Variants in DENND1A observed in about 807,000 individuals in gnomAD.
DENND1A encodes DENN domain-containing protein 1A.
In DENND1A, 51 loss-of-function variants were observed where a neutral mutation model predicts 113.7. The ratio of observed to expected loss-of-function variants is 0.45; its 90% CI spans 0.36 to 0.57. DENND1A has a LOEUF of 0.57. DENND1A is among the 20% of genes least tolerant of loss of function. The pLI is 0.00. For missense variants in DENND1A, 1,258 were observed against 1,395.9 expected (o/e 0.90, Z 1.57); for synonymous variants, 565 against 570.8 (o/e 0.99, Z 0.14).
At chr9:123,856,723 T>C (rs1218555039) in intron 2 of DENND1A, among the ~76,000 whole-genome samples, 1 of 150,314 alleles carries the variant, frequency 6.7e-6, no homozygotes, top group Non-Finnish European at 1.5e-5. Context: ...AAGACCAAGG[T>C]GGATGAGGTG....
At chr9:123,914,422 G>A (rs1854672280) in intron 1 of DENND1A, among the ~76,000 whole-genome samples, 1 of 151,376 alleles carries the variant, frequency 6.6e-6, no homozygotes, top group African/African-American at 2.4e-5. Flanking sequence ...GCGCCTGTAT[G>A]TAGTTCCAGC....
At chr9:123,394,249 C>T (rs970941537) in intron 21 of DENND1A, among the ~76,000 whole-genome samples, 6 of 152,158 alleles carry the variant, frequency 3.9e-5, no homozygotes, top group East Asian at 1.9e-4. Context: ...CCATCCGCCT[C>T]GGCCTCCCAA....
chr9:123,415,787 G>C (rs2044677063), intron 19 of DENND1A, among the ~76,000 whole-genome samples: 1 of 152,198 alleles, frequency 6.6e-6, no homozygotes, highest in Non-Finnish European at 1.5e-5. Flanking sequence ...GCAGGGCCAG[G>C]GGCACAGTGG....
intron 1 of DENND1A, among the ~76,000 whole-genome samples, chr9:123,922,846 C>CA (rs1196884638): frequency 1.3e-5 from 2 of 152,308 alleles, no homozygotes; most frequent in East Asian, 3.9e-4. Flanking sequence ...TTTGGAATGT[C>CA]ACCTCTCTTT....
chr9:123,506,349 C>T (rs552530664), intron 13 of DENND1A, among the ~76,000 whole-genome samples: 15 of 152,108 alleles, frequency 9.9e-5, no homozygotes, highest in Non-Finnish European at 1.6e-4. Context: ...TTTGGGTGGC[C>T]GAAGTGGGCG....
intron 13 of DENND1A, among the ~76,000 whole-genome samples, chr9:123,553,418 A>G (rs1383863959): frequency 7.2e-6 from 1 of 137,946 alleles, no homozygotes; most frequent in East Asian, 2.2e-4. Context: ...CCCGCTCCTC[A>G]TCCCTCCGTG....
intron 2 of DENND1A, among the ~76,000 whole-genome samples, chr9:123,821,278 A>G (rs1838416246): frequency 6.6e-6 from 1 of 152,238 alleles, no homozygotes. Flanking sequence ...ATAATAAAGT[A>G]ACAGGAAATA....
chr9:123,892,140 G>A (rs1351651699), intron 1 of DENND1A, among the ~76,000 whole-genome samples: 1 of 152,226 alleles, frequency 6.6e-6, no homozygotes, highest in African/African-American at 2.4e-5. Flanking sequence ...GCATGTGTAT[G>A]TGAGGAAATA....
chr9:123,730,552 T>C (rs1400239916), intron 5 of DENND1A, among the ~76,000 whole-genome samples: 1 of 151,868 alleles, frequency 6.6e-6, no homozygotes, highest in Non-Finnish European at 1.5e-5. Context: ...AAAACGACAA[T>C]GAGATACCAT....
At chr9:123,917,255 C>A (rs80086031) in intron 1 of DENND1A, among the ~76,000 whole-genome samples, 1,827 of 152,158 alleles carry the variant, frequency 0.012, 40 homozygotes, top group African/African-American at 0.042. Flanking sequence ...CAGAAAAAAA[C>A]CAATTCTACT....
intron 13 of DENND1A, among the ~76,000 whole-genome samples, chr9:123,538,130 T>C (rs910694134): frequency 6.6e-6 from 1 of 152,250 alleles, no homozygotes; most frequent in Non-Finnish European, 1.5e-5. Context: ...CATGGTAGTA[T>C]GTGTATTATT....
At chr9:123,658,353 T>C (rs2063069415) in intron 8 of DENND1A, among the ~76,000 whole-genome samples, 2 of 152,224 alleles carry the variant, frequency 1.3e-5, no homozygotes, top group African/African-American at 2.4e-5. Context: ...TACATAACTG[T>C]TCATGATCTG....
intron 2 of DENND1A, among the ~76,000 whole-genome samples, chr9:123,877,461 C>A (rs1847664607): frequency 6.6e-6 from 1 of 151,728 alleles, no homozygotes; most frequent in Non-Finnish European, 1.5e-5. Context: ...TGCACTCCAG[C>A]CTGGGCGACA....
chr9:123,749,092 T>C (rs1488197157), intron 5 of DENND1A, among the ~76,000 whole-genome samples: 2 of 152,174 alleles, frequency 1.3e-5, no homozygotes, highest in Non-Finnish European at 2.9e-5. Flanking sequence ...TTGGGCTCAT[T>C]CTCCTGAGTT....
At chr9:123,525,245 G>T (rs1450786374) in intron 13 of DENND1A, among the ~76,000 whole-genome samples, 1 of 152,174 alleles carries the variant, frequency 6.6e-6, no homozygotes, top group African/African-American at 2.4e-5. Flanking sequence ...CCAGGGAGCA[G>T]CCCTCTTCAG....
At chr9:123,689,464 G>A (rs77995732) in intron 5 of DENND1A, among the ~76,000 whole-genome samples, 16,384 of 152,086 alleles carry the variant, frequency 0.11, 1,079 homozygotes, top group Admixed American at 0.16. Flanking sequence ...TGTTTTTACC[G>A]GCCTTAAATA....
At chr9:123,803,699 A>G (rs1379698687) in intron 2 of DENND1A, among the ~76,000 whole-genome samples, 1 of 152,238 alleles carries the variant, frequency 6.6e-6, no homozygotes, top group Non-Finnish European at 1.5e-5. Context: ...CTTTCCCATC[A>G]GCATAGAAAC....
At chr9:123,391,992 G>A (rs935403134) in intron 21 of DENND1A, among the ~76,000 whole-genome samples, 2 of 152,078 alleles carry the variant, frequency 1.3e-5, no homozygotes, top group African/African-American at 4.8e-5. Context: ...GGCTGCTCCC[G>A]CCTCTGCCCA....
At chr9:123,607,541 A>T (rs1264571530) in intron 11 of DENND1A, among the ~76,000 whole-genome samples, 16 of 127,178 alleles carry the variant, frequency 1.3e-4, no homozygotes, top group African/African-American at 3.3e-4. Flanking sequence ...AGAGAGAGAG[A>T]GAGAGAGTGT....
Sources: gnomAD v4.1 joint callset for allele counts (sites outside exome capture counted in the v4.1 genomes callset) on GRCh38, gnomAD v4.1.1 for gene constraint, MANE v1.5 for transcripts, NCBI Gene and HGNC (gene_info 2026-07-23, HGNC 2026-07-21) for gene names.